The following FBXW2 variants were observed in gnomAD, a reference collection of about 807,000 sequenced individuals.
FBXW2 encodes the protein F-box/WD repeat-containing protein 2.
In FBXW2, 12 loss-of-function variants were observed where a neutral mutation model predicts 46.0. The ratio of observed to expected loss-of-function variants is 0.26; its 90% CI spans 0.17 to 0.42. The LOEUF (loss-of-function observed/expected upper bound fraction) is 0.42, where lower values mean the gene tolerates loss of function less well. FBXW2 is among the 10% of genes least tolerant of loss of function. The pLI, the probability that FBXW2 is intolerant of heterozygous loss-of-function variation, is 1.00. For synonymous variants in FBXW2, 203 were observed against 209.6 expected, an observed-to-expected ratio of 0.97 and a Z score of 0.27; for missense variants, 360 against 537.0, an observed-to-expected ratio of 0.67 and a Z score of 3.26.
intron 5 of FBXW2, among the ~76,000 whole-genome samples, chr9:120,774,154 A>G (rs2044440165): frequency 1.3e-5 from 2 of 152,074 alleles, no homozygotes; most frequent in South Asian, 4.2e-4. Flanking sequence ...TGGCCAACAC[A>G]ATGAAACTCC....
intron 6 of FBXW2, among the ~76,000 whole-genome samples, chr9:120,772,386 G>A (rs138691969): frequency 3.9e-5 from 6 of 152,098 alleles, no homozygotes; most frequent in African/African-American, 9.6e-5. Flanking sequence ...CCAGCTACTC[G>A]GTAGGCTGAG....
intron 3 of FBXW2, among the ~76,000 whole-genome samples, chr9:120,784,018 C>G (rs1238922934): frequency 6.6e-6 from 1 of 152,128 alleles, no homozygotes; most frequent in African/African-American, 2.4e-5. Flanking sequence ...GTCACAAATA[C>G]CTCTCTTCAC....
intron 4 of FBXW2, 83 bp from the exon 5 acceptor site, chr9:120,776,309 C>A: frequency 6.9e-7 from 1 of 1,458,368 alleles, no homozygotes; most frequent in East Asian, 2.4e-5. Flanking sequence ...TTTATTTTCC[C>A]CAATTATATA....
chr9:120,776,293 A>G, intron 4 of FBXW2, 67 bp from the exon 5 acceptor site: 3 of 1,518,626 alleles, frequency 2.0e-6, no homozygotes, highest in Non-Finnish European at 2.7e-6. Context: ...ATAGAGTTCA[A>G]TAATGTTTAT....
chr9:120,791,517 G>GTTTTTATGAGGGTTAA (rs2044840423), intron 2 of FBXW2, among the ~76,000 whole-genome samples: 1 of 152,164 alleles, frequency 6.6e-6, no homozygotes, highest in African/African-American at 2.4e-5. Flanking sequence ...ATATAGCAGG[G>GTTTTTATGAGGGTTAA]ACATGCTTAG....
chr9:120,787,421 GT>G (rs1032467472), intron 3 of FBXW2, among the ~76,000 whole-genome samples: 1 of 152,090 alleles, frequency 6.6e-6, no homozygotes, highest in Non-Finnish European at 1.5e-5. Context: ...TTTTTCCACT[GT>G]TTTTTTCCTC....
chr9:120,783,334 C>G (rs2044655903), intron 3 of FBXW2, among the ~76,000 whole-genome samples: 2 of 152,214 alleles, frequency 1.3e-5, no homozygotes, highest in South Asian at 4.2e-4. Flanking sequence ...GCTAACCCAA[C>G]ATGTTTTCAA....
rs768558870 is a variant in FBXW2, at chr9:120,788,118, G to A, written c.141C>T (p.Asn47=). 1.2e-6 allele frequency: 2 copies of A among 1,614,152 alleles called. No individual in the cohort carries two copies. Among genetic ancestry groups the A allele is most frequent in the Admixed American group, 1.7e-5 (1 of 60,012 alleles). The change falls in exon 3 of 8, where the codon AAC becomes AAT. Residue 47 remains asparagine (N), a synonymous_variant. Transcript: ENST00000608872. The stretch of plus-strand genomic sequence containing the variant: ...AGTCCCGCTTGAGGAGAGTCTCTAG[G>A]TTATTGGAGAGATGCCTGAGCTGGA... ...GAVQLRHLSN[N]LETLLKRDFL... is the part of the protein sequence containing the mutation.
In FBXW2 at chr9:120,778,384, T is replaced by C; in HGVS notation, c.652A>G (p.Arg218Gly). ...VACWEWSSGA[R>G]TQHFRGHTGA... Reference sequence around the variant, plus strand: ...GTGTGCCCCCGAAAGTGCTGGGTCCTGGCTCCGGAACTCCATTCCCAGCAA... The same window carrying C: ...GTGTGCCCCCGAAAGTGCTGGGTCCCGGCTCCGGAACTCCATTCCCAGCAA... The change falls in exon 4 of 8, where the codon AGG becomes GGG. Residue 218 changes from arginine to glycine, a missense_variant. Coordinates refer to ENST00000608872, the MANE Select transcript of FBXW2 (RefSeq NM_012164.4). 1 of 1,576,382 alleles carries C rather than the reference T, an allele frequency of 6.3e-7. No homozygotes were observed. The highest frequency in any genetic ancestry group is 8.7e-7 in the Non-Finnish European group (1 of 1,155,774).
intron 5 of FBXW2, among the ~76,000 whole-genome samples, chr9:120,773,253 C>T (rs2131311056): frequency 6.7e-6 from 1 of 149,338 alleles, no homozygotes; most frequent in Admixed American, 6.7e-5. Context: ...TAGAAGCAAA[C>T]ATTAGGACTG....
intron 2 of FBXW2, chr9:120,792,658 C>A: frequency 4.3e-6 from 1 of 233,738 alleles, no homozygotes; most frequent in Non-Finnish European, 8.7e-6. Context: ...GCTGGGTGAC[C>A]TTGGGCAAAT....
intron 7 of FBXW2, among the ~76,000 whole-genome samples, chr9:120,767,260 A>C (rs576523174): frequency 6.6e-6 from 1 of 152,348 alleles, no homozygotes; most frequent in East Asian, 1.9e-4. Flanking sequence ...CTATGAAACT[A>C]AGAAAATAGT....
intron 3 of FBXW2, among the ~76,000 whole-genome samples, chr9:120,785,012 AT>A (rs112462348): frequency 3.0e-3 from 429 of 142,500 alleles, no homozygotes; most frequent in Admixed American, 3.0e-3. Flanking sequence ...GCATCTTAAT[AT>A]TTTTTTTTTT....
intron 5 of FBXW2, among the ~76,000 whole-genome samples, chr9:120,773,079 C>T (rs903625919): frequency 6.6e-6 from 1 of 151,746 alleles, no homozygotes; most frequent in African/African-American, 2.4e-5. Flanking sequence ...CCCAGTGACT[C>T]GGAAGGCTGA....
At chr9:120,766,486 G>A (rs2044277525) in intron 7 of FBXW2, among the ~76,000 whole-genome samples, 1 of 152,040 alleles carries the variant, frequency 6.6e-6, no homozygotes, top group Non-Finnish European at 1.5e-5. Flanking sequence ...TATTTATTGA[G>A]ATGGAGTCTC....
At chr9:120,792,938 C>T in intron 2 of FBXW2, 2 of 1,532,722 alleles carry the variant, frequency 1.3e-6, no homozygotes, top group Non-Finnish European at 1.7e-6. Flanking sequence ...CTTTGTACTT[C>T]ATAAACCACC....
At chr9:120,785,979 A>G (rs960365657) in intron 3 of FBXW2, among the ~76,000 whole-genome samples, 2 of 144,032 alleles carry the variant, frequency 1.4e-5, no homozygotes, top group Non-Finnish European at 3.0e-5. Context: ...AGATTGCACC[A>G]CTGCACTCCA....
At chr9:120,791,040 AT>A (rs960267747) in intron 2 of FBXW2, among the ~76,000 whole-genome samples, 1 of 152,158 alleles carries the variant, frequency 6.6e-6, no homozygotes. Flanking sequence ...TGAAAAAGGC[AT>A]TTTTTTCCCT....
intron 5 of FBXW2, 124 bp from the exon 6 acceptor site, chr9:120,772,964 T>C: frequency 1.5e-6 from 1 of 670,656 alleles, no homozygotes; most frequent in South Asian, 1.8e-5. Flanking sequence ...CATAACTCCA[T>C]TACCAAATTA....
Sources: allele counts gnomAD v4.1 joint callset (sites outside exome capture counted in the v4.1 genomes callset), GRCh38; gene constraint gnomAD v4.1.1; transcripts MANE v1.5; gene names NCBI Gene and HGNC (gene_info 2026-07-23, HGNC 2026-07-21).